MATN4: variants seen among roughly 807,000 people sequenced by gnomAD.
MATN4 encodes the protein matrilin 4.
Under a neutral mutation model 54.6 loss-of-function variants are expected in MATN4, and 40 were observed. The ratio of observed to expected loss-of-function variants is 0.73; its 90% confidence interval spans 0.57 to 0.95. The LOEUF (loss-of-function observed/expected upper bound fraction) is 0.95, where lower values mean the gene tolerates loss of function less well. Ranked by LOEUF, MATN4 falls within the 40% of genes least tolerant of loss-of-function variation. The pLI is 0.00. For missense variants in MATN4, 810 were observed against 819.1 expected, an observed-to-expected ratio of 0.99 and a Z score of 0.13; for synonymous variants, 351 against 345.3, an observed-to-expected ratio of 1.02 and a Z score of -0.18.
chr20:45,304,570 T>G lies in MATN4; in HGVS notation c.301A>C (p.Ile101Leu). ...TGCGCCAGAGGCACCAGGTCGCGGA[T>G]GGCGCGCTCCATGTCCTCGCGGCGA... is the stretch of plus-strand genomic sequence containing the variant. ...FSRREDMERA[I>L]RDLVPLAQGT... is the part of the protein sequence containing the mutation. Residue 101 changes from isoleucine to leucine, a missense_variant, in exon 3 of 10, where the codon ATC (isoleucine) becomes CTC (leucine). Ile to Leu is a conservative substitution (Grantham distance 5, BLOSUM62 2). Transcript: ENST00000372756. 1 of 1,597,812 alleles carries G rather than the reference T, an allele frequency of 6.3e-7. No homozygotes were observed. Among genetic ancestry groups the G allele is most frequent in the Non-Finnish European group, 8.6e-7 (1 of 1,167,244 alleles).
At chr20:45,296,409 T>G (rs1985835646) in intron 8 of MATN4, among the ~76,000 whole-genome samples, 1 of 152,160 alleles carries the variant, frequency 6.6e-6, no homozygotes, top group Non-Finnish European at 1.5e-5. Context: ...TAGTCTTATA[T>G]GTACTATGAA....
chr20:45,305,147 T>C (rs1016391670), intron 2 of MATN4, among the ~76,000 whole-genome samples: 1 of 152,178 alleles, frequency 6.6e-6, no homozygotes. Context: ...ACTCCTAAAT[T>C]GGGCAGGTAG....
upstream of MATN4, chr20:45,308,634 G>A (rs191544635): frequency 6.7e-3 from 1,673 of 249,694 alleles, 14 homozygotes; most frequent in Admixed American, 9.4e-3. Context: ...CCTGGCTTTC[G>A]AGGGTGCGGT....
chr20:45,308,566 T>G, upstream of MATN4: 1 of 375,218 alleles, frequency 2.7e-6, no homozygotes, highest in Admixed American at 3.8e-5. Context: ...AGAAGGCACT[T>G]CCCTGAGGAG....
At position 45,301,449 on chromosome 20, in the gene MATN4, G is replaced by C; in HGVS notation, c.644-6C>G. On this transcript the variant is annotated splice_region_variant and splice_polypyrimidine_tract_variant and intron_variant, in intron 3 of 9. Coordinates refer to ENST00000372756, the MANE Select transcript of MATN4 (RefSeq NM_001393530.1). ...TTCAGCACACAGATCAATGGCTGAG[G>C]AAGAAATGGGGTCAGTCTATGCCCA... 6.2e-7 allele frequency: 1 copy of C among 1,612,744 alleles called. No individual in the cohort carries two copies. Among genetic ancestry groups the C allele is most frequent in the Non-Finnish European group, 8.5e-7 (1 of 1,179,742 alleles).
At chr20:45,302,744 C>T (rs1486754515) in intron 3 of MATN4, among the ~76,000 whole-genome samples, 2 of 151,818 alleles carry the variant, frequency 1.3e-5, no homozygotes, top group African/African-American at 4.8e-5. Context: ...ATTGAAGACC[C>T]CCCAACAGTA....
chr20:45,295,478 C>G (rs965565748), intron 8 of MATN4, among the ~76,000 whole-genome samples: 4 of 152,188 alleles, frequency 2.6e-5, no homozygotes, highest in Non-Finnish European at 5.9e-5. Context: ...ACCTCTGCCT[C>G]CTGGGTTCAA....
chr20:45,303,742 AGT>A (rs887852648), intron 3 of MATN4, among the ~76,000 whole-genome samples: 1 of 152,232 alleles, frequency 6.6e-6, no homozygotes, highest in Non-Finnish European at 1.5e-5. Context: ...TAGACACGTC[AGT>A]GGGCTGGGAC....
intron 8 of MATN4, among the ~76,000 whole-genome samples, chr20:45,294,537 C>G (rs917895413): frequency 2.0e-5 from 3 of 152,242 alleles, no homozygotes; most frequent in Admixed American, 2.0e-4. Context: ...TAGCTACAAG[C>G]CACATGTGGC....
intron 8 of MATN4, among the ~76,000 whole-genome samples, chr20:45,295,046 C>A (rs1568869533): frequency 6.6e-6 from 1 of 152,192 alleles, no homozygotes; most frequent in Non-Finnish European, 1.5e-5. Flanking sequence ...AAGCTGAGGG[C>A]TCCCACTGAT....
chr20:45,306,783 C>T (rs1402729033), intron 1 of MATN4: 4 of 627,916 alleles, frequency 6.4e-6, no homozygotes, highest in Non-Finnish European at 2.4e-6. Context: ...GGCCGGGGCC[C>T]GGGGCCTTGG....
chr20:45,295,040 T>A (rs1985724193), intron 8 of MATN4, among the ~76,000 whole-genome samples: 7 of 152,220 alleles, frequency 4.6e-5, no homozygotes. Flanking sequence ...GAAAACAAGC[T>A]GAGGGCTCCC....
intron 1 of MATN4, chr20:45,307,008 C>CA: frequency 9.9e-7 from 1 of 1,006,858 alleles, no homozygotes; most frequent in East Asian, 3.3e-5. Context: ...ACCACCCCCC[C>CA]ACCCCCTCCC....
chr20:45,303,669 C>A (rs913416444), intron 3 of MATN4, among the ~76,000 whole-genome samples: 9 of 152,132 alleles, frequency 5.9e-5, no homozygotes, highest in Non-Finnish European at 1.3e-4. Flanking sequence ...AGTGAGAGGG[C>A]TTAGGGAAAG....
Position 45,298,093 on chromosome 20 carries a change from G to T in MATN4, c.1427-23C>A. On this transcript the variant is annotated intron_variant, in intron 7 of 9. Transcript: ENST00000372756. The surrounding 1 kb of genome is among the most constrained non-coding windows in gnomAD (Gnocchi z 4.6). ...TGCCTGCAAGGCCGGGGTCTCAGAG[G>T]GTGCCCCAGGCCTCGGGAAAGCTGC... 6.2e-7 allele frequency: 1 copy of T among 1,607,266 alleles called. No individual in the cohort carries two copies. Among genetic ancestry groups the T allele is most frequent in the Admixed American group, 1.7e-5 (1 of 59,884 alleles).
intron 8 of MATN4, among the ~76,000 whole-genome samples, chr20:45,296,027 AAC>A (rs1019950170): frequency 5.9e-5 from 9 of 151,882 alleles, no homozygotes; most frequent in Admixed American, 1.3e-4. Context: ...CATCCTGGCT[AAC>A]ACGGTGAAAC....
In MATN4 at chr20:45,293,954, C is replaced by T; in HGVS notation, c.1641G>A (p.Glu547=). The T allele has an allele frequency of 6.2e-7, 1 of 1,602,936 alleles. No homozygotes were observed. Among genetic ancestry groups the T allele is most frequent in the East Asian group, 2.2e-5 (1 of 44,722 alleles). ...GCGCCCCCAGCGTGCGGCCCTGGAA[C>T]TCCACGAGGCTTTCGCATTCGCATG... ...RSPCECESLV[E]FQGRTLGALE... is the part of the protein sequence containing the mutation. Residue 547 remains glutamate (E), a synonymous_variant, in exon 9 of 10, where the codon GAG becomes GAA. Coordinates refer to ENST00000372756, the MANE Select transcript of MATN4 (RefSeq NM_001393530.1).
At chr20:45,295,712 C>G (rs1476490091) in intron 8 of MATN4, among the ~76,000 whole-genome samples, 4 of 152,114 alleles carry the variant, frequency 2.6e-5, no homozygotes, top group Admixed American at 2.6e-4. Flanking sequence ...AAAGGTCCAC[C>G]AGGTGATTCT....
chr20:45,306,970 C>A, intron 1 of MATN4: 1 of 1,247,310 alleles, frequency 8.0e-7, no homozygotes, highest in Admixed American at 4.2e-5. Context: ...CCCGAGGCCC[C>A]GGAGACGCCC....
Sources: gnomAD v4.1 joint callset for allele counts (sites outside exome capture counted in the v4.1 genomes callset) on GRCh38, gnomAD v4.1.1 for gene constraint, Gnocchi (gnomAD v3.1) non-coding constraint, MANE v1.5 for transcripts, NCBI Gene and HGNC (gene_info 2026-07-23, HGNC 2026-07-21) for gene names.